CSMD1: variants seen among roughly 807,000 people sequenced by gnomAD.
The protein encoded by CSMD1 is CUB and sushi domain-containing protein 1.
CSMD1 carries 213 observed loss-of-function variants against 417.5 expected under a neutral mutation model. That is an observed-to-expected ratio of 0.51 (90% CI 0.46 to 0.57). CSMD1 has a LOEUF of 0.57. CSMD1 is among the 20% of genes least tolerant of loss of function. The pLI is 0.00. For missense variants in CSMD1, 6,923 were observed against 4,529.7 expected, an observed-to-expected ratio of 1.53 and a Z score of -15.17; for synonymous variants, 2,862 against 1,736.8, an observed-to-expected ratio of 1.65 and a Z score of -16.11.
intron 3 of CSMD1, among the ~76,000 whole-genome samples, chr8:4,113,776 A>C (rs572894305): frequency 1.3e-5 from 2 of 152,178 alleles, no homozygotes; most frequent in Non-Finnish European, 2.9e-5. Flanking sequence ...GAAAGTTTTC[A>C]AGTTATCTGC....
intron 3 of CSMD1, among the ~76,000 whole-genome samples, chr8:4,240,124 T>G (rs1802302330): frequency 6.6e-6 from 1 of 152,252 alleles, no homozygotes; most frequent in African/African-American, 2.4e-5. Flanking sequence ...GTTATTTTTC[T>G]ATCTAAAAGT....
chr8:3,203,192 G>A (rs1293768584), intron 31 of CSMD1, among the ~76,000 whole-genome samples: 1 of 152,226 alleles, frequency 6.6e-6, no homozygotes, highest in African/African-American at 2.4e-5. Flanking sequence ...GCTCTAACGT[G>A]TTTGGTAATT....
At chr8:3,419,461 T>G (rs918616915) in intron 12 of CSMD1, among the ~76,000 whole-genome samples, 1 of 152,172 alleles carries the variant, frequency 6.6e-6, no homozygotes, top group Non-Finnish European at 1.5e-5. Flanking sequence ...TACACACATA[T>G]TTGTATTTTT....
intron 12 of CSMD1, among the ~76,000 whole-genome samples, chr8:3,438,106 A>G (rs11778675): frequency 0.63 from 95,516 of 152,064 alleles, 30,152 homozygotes; most frequent in East Asian, 0.76. Context: ...TATTAAAATT[A>G]TTTGAATATT....
chr8:4,220,484 A>T (rs1032899922), intron 3 of CSMD1, among the ~76,000 whole-genome samples: 2 of 152,212 alleles, frequency 1.3e-5, no homozygotes, highest in African/African-American at 4.8e-5. Flanking sequence ...ATTTTAAAAC[A>T]TCACTTTGTG....
At chr8:4,643,273 C>T (rs1004749258) in intron 1 of CSMD1, among the ~76,000 whole-genome samples, 1 of 152,180 alleles carries the variant, frequency 6.6e-6, no homozygotes, top group Non-Finnish European at 1.5e-5. Flanking sequence ...GGGGCAGTGT[C>T]GATCCTTTTA....
intron 49 of CSMD1, among the ~76,000 whole-genome samples, chr8:3,069,467 T>C (rs971033183): frequency 1.3e-5 from 2 of 150,972 alleles, no homozygotes; most frequent in Non-Finnish European, 3.0e-5. Flanking sequence ...AAGAAAGGGA[T>C]TACATGCCCC....
At chr8:3,330,034 A>T (rs533826857) in intron 23 of CSMD1, among the ~76,000 whole-genome samples, 4 of 152,182 alleles carry the variant, frequency 2.6e-5, no homozygotes, top group Non-Finnish European at 4.4e-5. Context: ...TGGACTGTAT[A>T]AGAAGCTCAA....
chr8:4,284,842 A>G (rs1337511175), intron 3 of CSMD1, among the ~76,000 whole-genome samples: 1 of 152,092 alleles, frequency 6.6e-6, no homozygotes, highest in Non-Finnish European at 1.5e-5. Context: ...ACAAAACAAA[A>G]CAAAGAAACA....
rs141808475 is a variant in CSMD1, at chr8:4,675,141, T to A, written c.86-37583A>T. ...ATGGCAGCCTGAGCTGACTAACACATAACATTTATATAGTTTCAGTTTTTT... is the reference window on the plus strand; with the variant it reads ...ATGGCAGCCTGAGCTGACTAACACAAAACATTTATATAGTTTCAGTTTTTT... On this transcript the variant is annotated intron_variant, in intron 1 of 69. Transcript: ENST00000635120. Among the ~76,000 whole-genome samples the A allele has an allele frequency of 5.1e-3, 779 of 152,338 alleles. 12 individuals are homozygous for A. Among genetic ancestry groups the A allele is most frequent in the African/African-American group, 0.018 (745 of 41,592 alleles).
At chr8:3,559,951 G>A (rs914542236) in intron 10 of CSMD1, among the ~76,000 whole-genome samples, 1 of 152,122 alleles carries the variant, frequency 6.6e-6, no homozygotes, top group Non-Finnish European at 1.5e-5. Context: ...TGACAGAGGA[G>A]GAAAGCCGTG....
intron 3 of CSMD1, among the ~76,000 whole-genome samples, chr8:4,166,067 C>T (rs1797439310): frequency 2.0e-5 from 3 of 152,084 alleles, no homozygotes; most frequent in Admixed American, 2.0e-4. Context: ...AAGTGAATTC[C>T]CAATCTTGCA....
intron 3 of CSMD1, among the ~76,000 whole-genome samples, chr8:4,405,299 A>G (rs1316275850): frequency 2.0e-5 from 3 of 152,200 alleles, no homozygotes; most frequent in Non-Finnish European, 4.4e-5. Context: ...GCATATTGAA[A>G]TAACTTCCAC....
chr8:4,596,930 C>T (rs58357251), intron 2 of CSMD1, among the ~76,000 whole-genome samples: 39,689 of 152,020 alleles, frequency 0.26, 6,417 homozygotes, highest in East Asian at 0.42. Flanking sequence ...CAGGGGTTTC[C>T]GCTTTTGTTT....
intron 3 of CSMD1, among the ~76,000 whole-genome samples, chr8:4,366,047 T>G (rs1257574703): frequency 2.0e-5 from 3 of 152,160 alleles, no homozygotes; most frequent in African/African-American, 4.8e-5. Context: ...GCACAGTACC[T>G]GACAGATAGC....
At chr8:3,770,675 G>T (rs896200340) in intron 5 of CSMD1, among the ~76,000 whole-genome samples, 1 of 152,092 alleles carries the variant, frequency 6.6e-6, no homozygotes, top group Admixed American at 6.6e-5. Flanking sequence ...ACTGACTGTC[G>T]CCCCAACACC....
At chr8:4,797,250 T>C (rs534917280) in intron 1 of CSMD1, among the ~76,000 whole-genome samples, 54 of 152,296 alleles carry the variant, frequency 3.5e-4, no homozygotes, top group Admixed American at 1.8e-3. Flanking sequence ...TCCTTTACTA[T>C]GCATGGTGAG....
chr8:3,585,824 C>T (rs564560998), intron 9 of CSMD1, among the ~76,000 whole-genome samples: 13 of 152,148 alleles, frequency 8.5e-5, no homozygotes, highest in Non-Finnish European at 1.8e-4. Flanking sequence ...GCAGGTCCAG[C>T]TGTGGGACAT....
At chr8:3,533,993 A>G (rs1798087401) in intron 10 of CSMD1, among the ~76,000 whole-genome samples, 1 of 152,196 alleles carries the variant, frequency 6.6e-6, no homozygotes, top group Non-Finnish European at 1.5e-5. Flanking sequence ...CAATATTTAT[A>G]TTTTAAATCT....
Sources: allele counts gnomAD v4.1 joint callset (sites outside exome capture counted in the v4.1 genomes callset), GRCh38; gene constraint gnomAD v4.1.1; transcripts MANE v1.5; gene names NCBI Gene and HGNC (gene_info 2026-07-23, HGNC 2026-07-21).